Variants in PLXNA4 observed in about 807,000 individuals in gnomAD.
PLXNA4 encodes the protein plexin A4.
In PLXNA4, 44 loss-of-function variants were observed where a neutral mutation model predicts 191.8. That is an observed-to-expected ratio of 0.23 (90% CI 0.18 to 0.29). PLXNA4 has a LOEUF of 0.29. PLXNA4 is among the 10% of genes least tolerant of loss of function. The pLI is 1.00. For synonymous variants in PLXNA4, 1,082 were observed against 1,009.5 expected (o/e 1.07, Z -1.36); for missense variants, 1,800 against 2,488.8 (o/e 0.72, Z 5.89).
intron 2 of PLXNA4, among the ~76,000 whole-genome samples, chr7:132,603,441 G>A (rs1401267912): frequency 6.6e-6 from 1 of 152,174 alleles, no homozygotes; most frequent in African/African-American, 2.4e-5. Flanking sequence ...GACAGTGATT[G>A]TGTCTGGTCT....
At chr7:132,369,797 G>A (rs942714544) in intron 3 of PLXNA4, among the ~76,000 whole-genome samples, 7 of 151,774 alleles carry the variant, frequency 4.6e-5, no homozygotes, top group African/African-American at 9.7e-5. Flanking sequence ...GGCCGGGCGC[G>A]GTGCCTCCTG....
intron 3 of PLXNA4, among the ~76,000 whole-genome samples, chr7:132,326,742 A>G (rs943529918): frequency 3.3e-5 from 5 of 152,074 alleles, no homozygotes; most frequent in African/African-American, 9.7e-5. Flanking sequence ...CTTTTTTTAT[A>G]TAACACAACC....
At chr7:132,529,896 C>T (rs572216609) in intron 1 of PLXNA4, among the ~76,000 whole-genome samples, 6 of 152,316 alleles carry the variant, frequency 3.9e-5, no homozygotes, top group East Asian at 3.9e-4. Context: ...TGAGCCACCG[C>T]GCCTGGCCCC....
chr7:132,189,677 G>T (rs1797027528), intron 14 of PLXNA4, among the ~76,000 whole-genome samples: 1 of 152,048 alleles, frequency 6.6e-6, no homozygotes, highest in Non-Finnish European at 1.5e-5. Context: ...CCCAAAGAGT[G>T]CACCTGCAAG....
At chr7:132,224,450 T>A (rs537716188) in intron 8 of PLXNA4, among the ~76,000 whole-genome samples, 1 of 152,270 alleles carries the variant, frequency 6.6e-6, no homozygotes, top group African/African-American at 2.4e-5. Flanking sequence ...GGCCATCTTG[T>A]GTCATATCTC....
At chr7:132,181,665 T>A (rs760381505) in intron 17 of PLXNA4, 45 bp from the exon 18 acceptor site, 7 of 1,603,920 alleles carry the variant, frequency 4.4e-6, no homozygotes, top group Non-Finnish European at 6.0e-6. Context: ...TATCTCCACA[T>A]ACCCACAGCC....
intron 6 of PLXNA4, 121 bp from the exon 7 acceptor site, chr7:132,227,725 A>G: frequency 1.6e-6 from 2 of 1,287,606 alleles, no homozygotes; most frequent in Non-Finnish European, 2.2e-6. Flanking sequence ...GACAAGCAAG[A>G]GGCAATATTA....
chr7:132,258,246 C>T (rs973797121), intron 4 of PLXNA4, among the ~76,000 whole-genome samples: 4 of 152,218 alleles, frequency 2.6e-5, no homozygotes, highest in Non-Finnish European at 4.4e-5. Flanking sequence ...GCTGCTGTGT[C>T]GACGAAAGGC....
At chr7:132,226,006 G>T (rs541007394) in intron 8 of PLXNA4, among the ~76,000 whole-genome samples, 155 bp downstream of exon 8, 26 of 149,718 alleles carry the variant, frequency 1.7e-4, no homozygotes, top group African/African-American at 6.4e-4. Flanking sequence ...GCTTCTAAAT[G>T]GTGACTCCCT....
At chr7:132,271,109 A>G (rs559326962) in intron 4 of PLXNA4, 9 of 151,968 alleles carry the variant, frequency 5.9e-5, no homozygotes, top group Non-Finnish European at 1.0e-4. Flanking sequence ...TTTTCCCCCC[A>G]CAGCAACAAT....
chr7:132,229,164 A>C (rs1798438088), intron 5 of PLXNA4, among the ~76,000 whole-genome samples: 1 of 152,110 alleles, frequency 6.6e-6, no homozygotes, highest in African/African-American at 2.4e-5. Flanking sequence ...CAGGTGGGAG[A>C]GAGGGAAGGA....
chr7:132,440,862 G>A (rs1338095835), intron 3 of PLXNA4, among the ~76,000 whole-genome samples: 1 of 152,180 alleles, frequency 6.6e-6, no homozygotes, highest in East Asian at 1.9e-4. Flanking sequence ...TGGGCACCTG[G>A]TAGAGAAGGG....
chr7:132,277,345 A>G (rs1800318672), intron 4 of PLXNA4, among the ~76,000 whole-genome samples: 2 of 152,192 alleles, frequency 1.3e-5, no homozygotes, highest in Admixed American at 1.3e-4. Flanking sequence ...ATGCATTTAA[A>G]TGCACCAGAT....
chr7:132,460,331 C>T (rs1796460132), intron 3 of PLXNA4, among the ~76,000 whole-genome samples: 1 of 151,506 alleles, frequency 6.6e-6, no homozygotes, highest in Admixed American at 6.6e-5. Flanking sequence ...TGCCACTGCA[C>T]TCCAGCCTGG....
intron 29 of PLXNA4, among the ~76,000 whole-genome samples, chr7:132,143,486 A>G (rs1795329050): frequency 1.3e-5 from 2 of 152,244 alleles, no homozygotes; most frequent in Non-Finnish European, 2.9e-5. Flanking sequence ...AGCAGGTAGA[A>G]ATGTTTAGAA....
intron 1 of PLXNA4, among the ~76,000 whole-genome samples, chr7:132,554,003 G>T (rs1039473227): frequency 2.6e-5 from 4 of 152,156 alleles, no homozygotes; most frequent in African/African-American, 9.7e-5. Context: ...CCTGTCTAAA[G>T]AAAGAAAGAG....
At chr7:132,405,770 G>C (rs895617098) in intron 3 of PLXNA4, among the ~76,000 whole-genome samples, 2 of 152,142 alleles carry the variant, frequency 1.3e-5, no homozygotes, top group African/African-American at 4.8e-5. Flanking sequence ...TAGACTTCAG[G>C]TTCCCCATCC....
chr7:132,270,192 G>A (rs1215533819), intron 4 of PLXNA4, among the ~76,000 whole-genome samples: 1 of 152,174 alleles, frequency 6.6e-6, no homozygotes, highest in African/African-American at 2.4e-5. Context: ...TACCACGTAT[G>A]GAGAGAGCTG....
At chr7:132,563,495 TCTC>T (rs1305050307) in intron 1 of PLXNA4, among the ~76,000 whole-genome samples, 457 of 22,068 alleles carry the variant, frequency 0.021, 12 homozygotes, top group Middle Eastern at 0.11. Flanking sequence ...TCCTCCTCCT[TCTC>T]CTCCTCCTCC....
Sources: allele counts gnomAD v4.1 joint callset (sites outside exome capture counted in the v4.1 genomes callset), GRCh38; gene constraint gnomAD v4.1.1; transcripts MANE v1.5; gene names NCBI Gene and HGNC (gene_info 2026-07-23, HGNC 2026-07-21).